Variants in PARD3B observed in about 807,000 individuals in gnomAD.
PARD3B encodes the protein par-3 family cell polarity regulator beta, also known as partitioning defective 3 homolog B.
Under a neutral mutation model 130.2 loss-of-function variants are expected in PARD3B, and 103 were observed. The ratio of observed to expected loss-of-function variants is 0.79; its 90% CI spans 0.67 to 0.93. PARD3B has a LOEUF of 0.93. PARD3B is among the 40% of genes least tolerant of loss of function. PARD3B has a pLI of 0.00. For synonymous variants in PARD3B, 583 were observed against 553.2 expected (o/e 1.05, Z -0.76); for missense variants, 1,609 against 1,499.2 (o/e 1.07, Z -1.21).
chr2:204,574,099 A>C (rs2032137523), intron 1 of PARD3B, among the ~76,000 whole-genome samples: 1 of 151,910 alleles, frequency 6.6e-6, no homozygotes, highest in East Asian at 1.9e-4. Context: ...GGAGCTCAAG[A>C]CTGCTACTTT....
intron 3 of PARD3B, among the ~76,000 whole-genome samples, chr2:205,044,573 T>C (rs1307994542): frequency 6.6e-6 from 1 of 151,818 alleles, no homozygotes; most frequent in Non-Finnish European, 1.5e-5. Context: ...TGAGCATTTC[T>C]TCATGTGTTT....
chr2:205,373,084 T>A (rs1386886910), intron 18 of PARD3B, among the ~76,000 whole-genome samples: 2 of 152,204 alleles, frequency 1.3e-5, no homozygotes, highest in East Asian at 3.8e-4. Context: ...TCATTCTGAA[T>A]GAAATCCTTT....
intron 2 of PARD3B, among the ~76,000 whole-genome samples, chr2:204,884,389 T>C (rs2046194824): frequency 6.6e-6 from 1 of 152,256 alleles, no homozygotes; most frequent in Admixed American, 6.5e-5. Flanking sequence ...CTATATTTTA[T>C]TTGAAGTCAT....
chr2:205,478,943 A>G (rs981830190), intron 20 of PARD3B, among the ~76,000 whole-genome samples: 1 of 152,222 alleles, frequency 6.6e-6, no homozygotes, highest in African/African-American at 2.4e-5. Flanking sequence ...CAATTCTTAT[A>G]GGAGCTGATG....
intron 20 of PARD3B, among the ~76,000 whole-genome samples, chr2:205,444,666 A>G (rs1021198192): frequency 6.6e-6 from 1 of 152,200 alleles, no homozygotes; most frequent in Non-Finnish European, 1.5e-5. Context: ...CAGACAAAGA[A>G]GAAGATGGTT....
intron 3 of PARD3B, among the ~76,000 whole-genome samples, chr2:205,038,770 A>G (rs1698185330): frequency 6.6e-6 from 1 of 152,204 alleles, no homozygotes; most frequent in African/African-American, 2.4e-5. Flanking sequence ...CATGTGTTGA[A>G]CAAACATGGT....
At position 205,585,763 on chromosome 2, in the gene PARD3B, C is replaced by T. The variant is rs1472232153; in HGVS notation, c.3261-29693C>T. Among the ~76,000 whole-genome samples the T allele has an allele frequency of 6.6e-6, 1 of 151,186 alleles. No homozygotes were observed. The highest frequency in any genetic ancestry group is 2.4e-5 in the African/African-American group (1 of 41,450). On this transcript the variant is annotated intron_variant, in intron 22 of 22. Coordinates refer to ENST00000406610, the MANE Select transcript of PARD3B (RefSeq NM_001302769.2). This position sits in a 1 kb window ranked among gnomAD's most constrained non-coding sequence, Gnocchi z 5.4. ...TCAGGAGTCAGCTGTTTCTCCCCCA[C>T]CACATTTCAGGAAGGGCTTTGAACT...
Position 204,937,406 on chromosome 2 carries a change from C to T in PARD3B, c.223-27746C>T, listed in dbSNP as rs1036198572. Among the ~76,000 whole-genome samples the T allele has an allele frequency of 1.2e-4, 19 of 152,280 alleles. No individual in the cohort carries two copies. In the East Asian group the frequency reaches 2.9e-3, roughly 23 times the overall value. On this transcript the variant is annotated intron_variant, in intron 2 of 22. Coordinates refer to ENST00000406610, the MANE Select transcript of PARD3B (RefSeq NM_001302769.2). ...CTTTTGCAGAAAGACTGCAAATGTG[C>T]GTTTCCCTTCTCTTGTTTGTTAGTT...
chr2:205,618,420 T>A lies in PARD3B; in HGVS notation c.*2607T>A, dbSNP rs2055500343. On this transcript the variant is annotated 3_prime_UTR_variant, in exon 23 of 23. Coordinates refer to ENST00000406610, the MANE Select transcript of PARD3B (RefSeq NM_001302769.2). ...CATTTAGGGGAACAGGCTTTTAGAG[T>A]ATTTAGAAGACCAGGCTATAATCAG... 6.6e-6 allele frequency: 1 copy of A among 152,070 alleles called. No individual in the cohort carries two copies. Among genetic ancestry groups the A allele is most frequent in the Non-Finnish European group, 1.5e-5 (1 of 68,024 alleles). 9.4% of individuals were successfully genotyped at this position (152,070 alleles called of 1,614,324 possible). A position where few individuals can be genotyped will look rare whatever the true frequency, so the allele number is the denominator to read the frequency against.
In PARD3B at chr2:204,678,612, C is replaced by T. The variant is rs1189449579; in HGVS notation, c.121-7569C>T. Reference sequence around the variant, plus strand: ...GAAGTCGTGTGGTCTGACATTAAGCCGCGTCTAGCCTTAGTCTCTGATGCG... The same window carrying T: ...GAAGTCGTGTGGTCTGACATTAAGCTGCGTCTAGCCTTAGTCTCTGATGCG... On this transcript the variant is annotated intron_variant, in intron 1 of 22. Coordinates refer to ENST00000406610, the MANE Select transcript of PARD3B (RefSeq NM_001302769.2). This position sits in a 1 kb window ranked among gnomAD's most constrained non-coding sequence, Gnocchi z 4.2. Among the ~76,000 whole-genome samples, 4 of 151,968 alleles carry T rather than the reference C, an allele frequency of 2.6e-5. No homozygotes were observed. The highest frequency in any genetic ancestry group is 5.9e-5 in the Non-Finnish European group (4 of 68,016).
chr2:205,408,265 T>C (rs950829313), intron 19 of PARD3B, among the ~76,000 whole-genome samples: 4 of 152,190 alleles, frequency 2.6e-5, no homozygotes, highest in Non-Finnish European at 5.9e-5. Context: ...GATTTAATTA[T>C]GCAGCTGCAA....
chr2:204,616,410 A>T (rs974565030), intron 1 of PARD3B, among the ~76,000 whole-genome samples: 5 of 152,200 alleles, frequency 3.3e-5, no homozygotes, highest in African/African-American at 1.2e-4. Context: ...AATTAAAACA[A>T]CAGTGAGTTA....
intron 20 of PARD3B, among the ~76,000 whole-genome samples, chr2:205,469,741 G>A (rs1022982348): frequency 3.3e-5 from 5 of 152,164 alleles, no homozygotes; most frequent in Non-Finnish European, 5.9e-5. Flanking sequence ...CCCAGAGAAC[G>A]TTGCATTAGC....
intron 10 of PARD3B, among the ~76,000 whole-genome samples, chr2:205,145,321 G>GC (rs2033272787): frequency 7.6e-6 from 1 of 131,984 alleles, no homozygotes; most frequent in African/African-American, 2.8e-5. Flanking sequence ...ACCCTCCGCC[G>GC]CCCCCGCAAA....
chr2:204,651,962 G>T (rs2125169678), intron 1 of PARD3B, among the ~76,000 whole-genome samples: 1 of 152,242 alleles, frequency 6.6e-6, no homozygotes, highest in South Asian at 2.1e-4. Flanking sequence ...CTGGGATGTG[G>T]GGCACCATGT....
chr2:205,449,200 A>G (rs915126384), intron 20 of PARD3B, among the ~76,000 whole-genome samples: 1 of 147,486 alleles, frequency 6.8e-6, no homozygotes, highest in African/African-American at 2.5e-5. Flanking sequence ...GTGGGAAACT[A>G]TTTGCTCTTG....
chr2:205,118,969 G>A lies in PARD3B; in HGVS notation c.729G>A (p.Lys243=). The A allele has an allele frequency of 6.2e-7, 1 of 1,612,588 alleles. No homozygotes were observed. The highest frequency in any genetic ancestry group is 1.3e-5 in the African/African-American group (1 of 74,922). ...IRGIEDNSRS[K]REGLFHENEC... is the part of the protein sequence containing the mutation. ...GCATTGAAGACAACAGCAGGTCCAA[G>A]CGGGAGGGACTATTTCACGAAAATG... Residue 243 remains lysine, a synonymous_variant, in exon 7 of 23, where the codon AAG becomes AAA. Coordinates refer to ENST00000406610, the MANE Select transcript of PARD3B (RefSeq NM_001302769.2).
intron 2 of PARD3B, among the ~76,000 whole-genome samples, chr2:204,837,365 A>G (rs544713786): frequency 1.6e-4 from 25 of 152,258 alleles, no homozygotes; most frequent in African/African-American, 5.1e-4. Context: ...TTTCATTGAC[A>G]TAAAGGATCC....
At chr2:205,220,711 A>G (rs1384285644) in intron 15 of PARD3B, among the ~76,000 whole-genome samples, 1 of 152,206 alleles carries the variant, frequency 6.6e-6, no homozygotes, top group Non-Finnish European at 1.5e-5. Flanking sequence ...CCTGCTTTAC[A>G]TAGGGTGGCG....
Sources: allele counts gnomAD v4.1 joint callset (sites outside exome capture counted in the v4.1 genomes callset), GRCh38; gene constraint gnomAD v4.1.1; non-coding constraint Gnocchi (gnomAD v3.1); transcripts MANE v1.5; gene names NCBI Gene and HGNC (gene_info 2026-07-23, HGNC 2026-07-21).